The following AGTR1 variants were observed in gnomAD, a reference collection of about 807,000 sequenced individuals.
AGTR1 encodes the protein type-1 angiotensin II receptor.
In AGTR1, 16 loss-of-function variants were observed where a neutral mutation model predicts 19.4. The observed-to-expected ratio is 0.82, with a 90% CI of 0.56 to 1.25. The LOEUF is 1.25. Ranked by LOEUF, AGTR1 falls within the 50% of genes most tolerant of loss-of-function variation. AGTR1 has a pLI of 0.00. For synonymous variants in AGTR1, 153 were observed against 154.9 expected, an observed-to-expected ratio of 0.99 and a Z score of 0.09; for missense variants, 373 against 431.9, an observed-to-expected ratio of 0.86 and a Z score of 1.21.
intron 2 of AGTR1, among the ~76,000 whole-genome samples, chr3:148,735,284 A>AAT (rs554920595): frequency 1.1e-4 from 17 of 152,162 alleles, no homozygotes; most frequent in South Asian, 2.1e-4. Context: ...AGTATCTGCA[A>AAT]ATATATATAT....
At position 148,742,402 on chromosome 3, in the gene AGTR1, A is replaced by G; in HGVS notation, c.*287A>G. On this transcript the variant is annotated 3_prime_UTR_variant, in exon 3 of 3. Transcript: ENST00000349243. ...TGATTTGAGAAATTTTACTGACAGA[A>G]ATGCAATCTCCCTAGCCTGCTTTTG... The G allele has an allele frequency of 3.9e-6, 2 of 508,678 alleles. No homozygotes were observed. The highest frequency in any genetic ancestry group is 6.2e-5 in the Admixed American group (2 of 32,276). 31.5% of individuals were successfully genotyped at this position (508,678 alleles called of 1,614,324 possible). A position where few individuals can be genotyped will look rare whatever the true frequency, so the allele number is the denominator to read the frequency against.
intron 2 of AGTR1, among the ~76,000 whole-genome samples, chr3:148,714,063 A>G (rs1179570188): frequency 1.3e-5 from 2 of 152,172 alleles, no homozygotes; most frequent in African/African-American, 4.8e-5. Context: ...AATACTACTG[A>G]AAGAGGATAT....
intron 1 of AGTR1, among the ~76,000 whole-genome samples, chr3:148,702,898 A>G (rs1263889017): frequency 1.3e-5 from 2 of 152,230 alleles, no homozygotes; most frequent in African/African-American, 2.4e-5. Flanking sequence ...TAATTTTTCT[A>G]ATCTCATTTA....
chr3:148,741,780 T>C lies in AGTR1; in HGVS notation c.745T>C (p.Phe249Leu). 6.2e-7 allele frequency: 1 copy of C among 1,613,338 alleles called. No homozygotes were observed. Among genetic ancestry groups the C allele is most frequent in the East Asian group, 2.2e-5 (1 of 44,884 alleles). ...GATAATTATGGCAATTGTGCTTTTC[T>C]TTTTCTTTTCCTGGATTCCCCACCA... Reference protein sequence around the residue: ...FKIIMAIVLFFFFSWIPHQIF... With the variant: ...FKIIMAIVLFLFFSWIPHQIF... Residue 249 changes from phenylalanine to leucine, a missense_variant, in exon 3 of 3, where the codon TTT becomes CTT. By Grantham distance (22) the Phe-to-Leu change is conservative. Transcript: ENST00000349243.
intron 1 of AGTR1, among the ~76,000 whole-genome samples, chr3:148,702,376 T>A (rs1712398531): frequency 1.3e-5 from 2 of 152,214 alleles, no homozygotes; most frequent in African/African-American, 2.4e-5. Context: ...TTATCTACTT[T>A]GGAAAATGAA....
intron 2 of AGTR1, among the ~76,000 whole-genome samples, chr3:148,728,810 T>C (rs1047210474): frequency 1.3e-5 from 2 of 152,232 alleles, no homozygotes; most frequent in Admixed American, 6.5e-5. Context: ...CTGGAACCAG[T>C]TGAAACTGCA....
intron 2 of AGTR1, among the ~76,000 whole-genome samples, chr3:148,729,427 T>G (rs938230454): frequency 1.3e-5 from 2 of 152,186 alleles, no homozygotes; most frequent in African/African-American, 4.8e-5. Context: ...AGGCAAAAAC[T>G]GGTGCATTAT....
intron 2 of AGTR1, among the ~76,000 whole-genome samples, chr3:148,728,700 T>C (rs1039797846): frequency 3.9e-5 from 6 of 152,182 alleles, no homozygotes; most frequent in African/African-American, 1.4e-4. Flanking sequence ...TTTTACCCTC[T>C]GAATTTGATT....
At chr3:148,737,486 C>T (rs1158546229) in intron 2 of AGTR1, among the ~76,000 whole-genome samples, 2 of 151,956 alleles carry the variant, frequency 1.3e-5, no homozygotes, top group African/African-American at 4.8e-5. Flanking sequence ...TAACATTCGA[C>T]ACACTAAAGA....
chr3:148,698,787 A>G (rs1246880267), intron 1 of AGTR1, among the ~76,000 whole-genome samples: 1 of 152,210 alleles, frequency 6.6e-6, no homozygotes, highest in Non-Finnish European at 1.5e-5. Flanking sequence ...TAGCCAATGC[A>G]TGTGTGTAAC....
At chr3:148,707,039 G>GA (rs560151779) in intron 1 of AGTR1, among the ~76,000 whole-genome samples, 31 of 151,204 alleles carry the variant, frequency 2.1e-4, no homozygotes, top group African/African-American at 6.5e-4. Context: ...AAGGAAAACT[G>GA]AAAAAAAAGA....
intron 2 of AGTR1, among the ~76,000 whole-genome samples, chr3:148,722,106 A>C (rs898520967): frequency 1.3e-5 from 2 of 152,220 alleles, no homozygotes; most frequent in African/African-American, 2.4e-5. Context: ...CCAATATCCA[A>C]CAAAGTAAAA....
At chr3:148,728,365 A>G (rs1371533088) in intron 2 of AGTR1, among the ~76,000 whole-genome samples, 1 of 152,256 alleles carries the variant, frequency 6.6e-6, no homozygotes, top group African/African-American at 2.4e-5. Context: ...AGCCACTATT[A>G]TAAGTCCTTT....
At chr3:148,739,809 T>C (rs1201501840) in intron 2 of AGTR1, 3 of 1,231,546 alleles carry the variant, frequency 2.4e-6, no homozygotes, top group Non-Finnish European at 3.0e-6. Context: ...GGGCATGCCA[T>C]TGCAAGAGAA....
At chr3:148,711,014 C>T (rs1712952034) in intron 2 of AGTR1, among the ~76,000 whole-genome samples, 1 of 152,100 alleles carries the variant, frequency 6.6e-6, no homozygotes, top group African/African-American at 2.4e-5. Flanking sequence ...CACCATGCTT[C>T]CTTGTAAGCC....
In AGTR1 at chr3:148,729,648, G is replaced by A. The variant is rs185969985; in HGVS notation, c.-47-11341G>A. 1.8e-4 allele frequency among the ~76,000 whole-genome samples: 27 copies of A among 152,188 alleles called. No homozygotes were observed. In the East Asian group the frequency reaches 4.4e-3, roughly 25 times the overall value. ...GTTTACCTTTTATTGGCCTGGCATC[G>A]GTGTCTCTTATCACAGGATATTTAA... On this transcript the variant is annotated intron_variant, in intron 2 of 2. Transcript: ENST00000349243.
intron 2 of AGTR1, chr3:148,730,037 T>C (rs543578684): frequency 2.6e-6 from 1 of 385,594 alleles, no homozygotes; most frequent in Admixed American, 4.5e-5. Context: ...CAACAAAAGT[T>C]CCAAAGCTCT....
chr3:148,742,631 G>A lies in AGTR1; in HGVS notation c.*516G>A, dbSNP rs949797357. On this transcript the variant is annotated 3_prime_UTR_variant, in exon 3 of 3. Transcript: ENST00000349243. ...TACAAAGATATGCTAAGCAGTAGTC[G>A]TCAAGTTGCAGATCTTTTTGTGAAA... 6 of 211,502 alleles carry A rather than the reference G, an allele frequency of 2.8e-5. No individual in the cohort carries two copies. Among genetic ancestry groups the A allele is most frequent in the African/African-American group, 1.2e-4 (5 of 41,948 alleles). 13.1% of individuals were successfully genotyped at this position (211,502 alleles called of 1,614,324 possible). A position where few individuals can be genotyped will look rare whatever the true frequency, so the allele number is the denominator to read the frequency against.
chr3:148,741,368 C>T lies in AGTR1; in HGVS notation c.333C>T (p.Asn111=), dbSNP rs1221956095. 2 of 1,604,930 alleles carry T rather than the reference C, an allele frequency of 1.2e-6. No individual in the cohort carries two copies. Among genetic ancestry groups the T allele is most frequent in the Non-Finnish European group, 1.7e-6 (2 of 1,179,260 alleles). ...TTGCTTCAGCCAGCGTCAGTTTCAA[C>T]CTGTACGCTAGTGTGTTTCTACTCA... ...CKIASASVSF[N]LYASVFLLTC... Residue 111 remains asparagine, a synonymous_variant, in exon 3 of 3, where the codon AAC becomes AAT. Transcript: ENST00000349243.
Sources: allele counts gnomAD v4.1 joint callset (sites outside exome capture counted in the v4.1 genomes callset), GRCh38; gene constraint gnomAD v4.1.1; transcripts MANE v1.5; gene names NCBI Gene and HGNC (gene_info 2026-07-23, HGNC 2026-07-21).